The following RYR2 variants were observed in gnomAD, a reference collection of about 807,000 sequenced individuals.
RYR2 encodes cardiac muscle ryanodine receptor-calcium release channel.
Under a neutral mutation model 601.1 loss-of-function variants are expected in RYR2, and 227 were observed. The ratio of observed to expected loss-of-function variants is 0.38; its 90% CI spans 0.34 to 0.42. The LOEUF (loss-of-function observed/expected upper bound fraction) is 0.42. Among genes scored for constraint, RYR2 ranks in the 10% least tolerant of loss-of-function variants. The pLI is 1.00. For missense variants in RYR2, 4,646 were observed against 6,156.5 expected (o/e 0.75, Z 8.21); for synonymous variants, 2,223 against 2,175.1 (o/e 1.02, Z -0.61).
chr1:237,732,470 A>G (rs1690777548), intron 78 of RYR2, among the ~76,000 whole-genome samples: 1 of 152,196 alleles, frequency 6.6e-6, no homozygotes, highest in Non-Finnish European at 1.5e-5. Flanking sequence ...ACCAAAGCAA[A>G]TTCCAGTGCC....
At position 237,589,922 on chromosome 1, in the gene RYR2, C is replaced by T. The variant is rs2148431137; in HGVS notation, c.3728C>T (p.Thr1243Ile). The T allele has an allele frequency of 3.1e-6, 5 of 1,613,902 alleles. No homozygotes were observed. Among genetic ancestry groups the T allele is most frequent in the South Asian group, 1.1e-5 (1 of 91,084 alleles). The change falls in exon 30 of 105, where the codon ACA becomes ATA. Residue 1243 changes from threonine to isoleucine, a missense_variant. Physicochemically the swap from Thr to Ile is moderately conservative, Grantham distance 89. This residue lies in a region of RYR2 where 1,807 missense variants were observed against 2,088.1 expected (regional missense o/e 0.87). Transcript: ENST00000366574. ...GGCTATGAACCATTTGCCGTTAATACAAACAGGGATATTACCATGTGGCTG... is the reference window on the plus strand; with the variant it reads ...GGCTATGAACCATTTGCCGTTAATATAAACAGGGATATTACCATGTGGCTG... ...QEGYEPFAVN[T>I]NRDITMWLSK...
At chr1:237,467,173 T>A (rs1383609135) in intron 16 of RYR2, among the ~76,000 whole-genome samples, 1 of 148,014 alleles carries the variant, frequency 6.8e-6, no homozygotes, top group Non-Finnish European at 1.5e-5. Context: ...AATATGATAA[T>A]GATATATATT....
At chr1:237,067,195 T>C (rs1243786473) in intron 1 of RYR2, among the ~76,000 whole-genome samples, 6 of 152,162 alleles carry the variant, frequency 3.9e-5, no homozygotes, top group Non-Finnish European at 8.8e-5. Flanking sequence ...ATTGTGCTTT[T>C]TTTTGCCCCA....
chr1:237,167,289 A>G (rs545081035), intron 1 of RYR2, among the ~76,000 whole-genome samples: 4 of 152,220 alleles, frequency 2.6e-5, no homozygotes, highest in Non-Finnish European at 5.9e-5. Flanking sequence ...CCAGAATGAT[A>G]TGAAACACTC....
intron 17 of RYR2, among the ~76,000 whole-genome samples, chr1:237,474,578 G>A (rs1351763767): frequency 6.6e-6 from 1 of 151,972 alleles, no homozygotes; most frequent in African/African-American, 2.4e-5. Context: ...TTTAGAAGCT[G>A]AAAAGCAAAA....
intron 46 of RYR2, among the ~76,000 whole-genome samples, chr1:237,640,039 A>C (rs879188973): frequency 6.6e-6 from 1 of 151,856 alleles, no homozygotes; most frequent in Admixed American, 6.6e-5. Flanking sequence ...ACACCATGCT[A>C]CATGCTTATC....
chr1:237,080,589 C>T (rs1665497275), intron 1 of RYR2, among the ~76,000 whole-genome samples: 2 of 76,274 alleles, frequency 2.6e-5, no homozygotes, highest in South Asian at 7.9e-4. Flanking sequence ...GATATCATCT[C>T]ACACCAGTTA....
rs1408041995 is a variant in RYR2, at chr1:237,253,235, A to T, written c.49-17262A>T. Among the ~76,000 whole-genome samples, 13 of 25,724 alleles carry T rather than the reference A, an allele frequency of 5.1e-4. No homozygotes were observed. The East Asian group carries it at 0.021, about 42-fold the overall frequency. The allele number at this position is 25,724 out of a possible 152,430, so 16.9% of individuals were successfully genotyped here. A position where few individuals can be genotyped will look rare whatever the true frequency, so the allele number is the denominator to read the frequency against. On this transcript the variant is annotated intron_variant, in intron 1 of 104. Transcript: ENST00000366574. ...ACAGTGGATATTACAAATTATTATT[A>T]TATTATTATTTCTGTCTAATAGATG...
intron 24 of RYR2, among the ~76,000 whole-genome samples, chr1:237,518,113 C>A (rs547669074): frequency 2.6e-5 from 4 of 152,202 alleles, no homozygotes; most frequent in African/African-American, 9.6e-5. Context: ...ATTAATGTTA[C>A]TATCACCACA....
chr1:237,121,013 A>C (rs1670705975), intron 1 of RYR2: 1 of 146,392 alleles, frequency 6.8e-6, no homozygotes. Flanking sequence ...GGAACCCCCA[A>C]CTACAGGTTT....
chr1:237,066,582 T>TC (rs71178382), intron 1 of RYR2, among the ~76,000 whole-genome samples: 116,979 of 151,418 alleles, frequency 0.77, 45,766 homozygotes, highest in East Asian at 0.99. Context: ...AATTTGCTTT[T>TC]CCCTAATGGT....
At chr1:237,127,634 G>A (rs1383831578) in intron 1 of RYR2, among the ~76,000 whole-genome samples, 4 of 151,086 alleles carry the variant, frequency 2.6e-5, no homozygotes, top group East Asian at 4.0e-4. Context: ...CAGACGGGGC[G>A]GCTGCCGGGC....
At chr1:237,077,884 C>T (rs1156640167) in intron 1 of RYR2, among the ~76,000 whole-genome samples, 36 of 121,950 alleles carry the variant, frequency 3.0e-4, no homozygotes, top group African/African-American at 9.4e-4. Context: ...AAGTAAAGCT[C>T]TCCTCAGCAA....
At chr1:237,334,409 A>C (rs985262909) in intron 3 of RYR2, among the ~76,000 whole-genome samples, 1 of 150,802 alleles carries the variant, frequency 6.6e-6, no homozygotes, top group Non-Finnish European at 1.5e-5. Flanking sequence ...ATTTCATCTA[A>C]GTGGATTTTC....
intron 19 of RYR2, among the ~76,000 whole-genome samples, chr1:237,493,656 G>A (rs1295806741): frequency 1.3e-5 from 2 of 152,100 alleles, no homozygotes; most frequent in Non-Finnish European, 2.9e-5. Flanking sequence ...GTTTCACCGT[G>A]TTAGCCAGGA....
At position 237,631,804 on chromosome 1, in the gene RYR2, G is replaced by A. The variant is rs369608628; in HGVS notation, c.6555+263G>A. On this transcript the variant is annotated intron_variant, in intron 42 of 104. Transcript: ENST00000366574. ...CACCTCGCCCGGCTAATTTTTTTGT[G>A]TTTTTAGTAGAGACGGGGTTTCACT... Among the ~76,000 whole-genome samples the A allele has an allele frequency of 0.02, 2,945 of 150,762 alleles. 91 individuals carry two copies. Among genetic ancestry groups the A allele is most frequent in the Admixed American group, 0.069 (1,039 of 15,144 alleles).
chr1:237,736,919 A>C (rs1379807705), intron 79 of RYR2, among the ~76,000 whole-genome samples: 2 of 152,200 alleles, frequency 1.3e-5, no homozygotes, highest in Non-Finnish European at 2.9e-5. Flanking sequence ...ACTCTTGTTG[A>C]GAACAGTAGA....
intron 60 of RYR2, among the ~76,000 whole-genome samples, chr1:237,677,002 T>C (rs1055272431): frequency 1.1e-4 from 17 of 152,188 alleles, no homozygotes; most frequent in Non-Finnish European, 2.1e-4. Context: ...CAAAGTGCCA[T>C]GCAAATGAAA....
intron 7 of RYR2, among the ~76,000 whole-genome samples, chr1:237,375,933 T>A (rs1266577408): frequency 6.6e-6 from 1 of 152,216 alleles, no homozygotes; most frequent in Non-Finnish European, 1.5e-5. Context: ...CGTCCTGATT[T>A]CCTTATGCTA....
Sources: gnomAD v4.1 joint callset for allele counts (sites outside exome capture counted in the v4.1 genomes callset) on GRCh38, gnomAD v4.1.1 for gene constraint, gnomAD v4.1.1 regional missense constraint, MANE v1.5 for transcripts, NCBI Gene and HGNC (gene_info 2026-07-23, HGNC 2026-07-21) for gene names.